The following PARD3 variants were observed in gnomAD, a reference collection of about 807,000 sequenced individuals.
The protein encoded by PARD3 is partitioning defective 3 homolog.
PARD3 carries 75 observed loss-of-function variants against 155.4 expected under a neutral mutation model. The observed-to-expected ratio is 0.48, with a 90% CI of 0.40 to 0.58. PARD3 has a LOEUF of 0.58. Ranked by LOEUF, PARD3 falls within the 20% of genes least tolerant of loss-of-function variation. The pLI is 0.00. For synonymous variants in PARD3, 576 were observed against 610.5 expected, an observed-to-expected ratio of 0.94 and a Z score of 0.83; for missense variants, 1,642 against 1,721.7, an observed-to-expected ratio of 0.95 and a Z score of 0.82.
intron 1 of PARD3, among the ~76,000 whole-genome samples, chr10:34,697,914 G>C (rs1220652941): frequency 6.6e-6 from 1 of 152,074 alleles, no homozygotes; most frequent in Admixed American, 6.6e-5. Flanking sequence ...GGCATCTCCA[G>C]ATGTGTTGAG....
intron 5 of PARD3, among the ~76,000 whole-genome samples, chr10:34,438,811 T>C (rs1049863709): frequency 3.9e-5 from 6 of 152,066 alleles, no homozygotes; most frequent in African/African-American, 1.4e-4. Context: ...TGCAGGGATA[T>C]CACCCGCCAT....
intron 2 of PARD3, among the ~76,000 whole-genome samples, chr10:34,678,654 A>C (rs1211659448): frequency 6.6e-6 from 1 of 152,200 alleles, no homozygotes. Context: ...CATAAACACT[A>C]ATAAATAATA....
At chr10:34,797,499 G>C (rs961887382) in intron 1 of PARD3, among the ~76,000 whole-genome samples, 3 of 152,164 alleles carry the variant, frequency 2.0e-5, no homozygotes, top group African/African-American at 7.2e-5. Flanking sequence ...CCTACTTTGT[G>C]AAAGTGTGCC....
chr10:34,355,790 TG>T (rs1484908712), intron 14 of PARD3, among the ~76,000 whole-genome samples: 1 of 151,630 alleles, frequency 6.6e-6, no homozygotes. Context: ...TAGCTGGGCA[TG>T]GCGCACACCT....
chr10:34,773,987 C>T (rs570169300), intron 1 of PARD3, among the ~76,000 whole-genome samples: 9 of 152,226 alleles, frequency 5.9e-5, no homozygotes, highest in African/African-American at 2.2e-4. Flanking sequence ...ATAAAATGTG[C>T]TTTACTTTAA....
intron 2 of PARD3, among the ~76,000 whole-genome samples, chr10:34,552,784 A>T (rs73267332): frequency 0.042 from 6,470 of 152,262 alleles, 400 homozygotes; most frequent in African/African-American, 0.14. Flanking sequence ...GACCATGACT[A>T]ATTTTAAGTT....
intron 22 of PARD3, among the ~76,000 whole-genome samples, chr10:34,209,552 G>A (rs1951641163): frequency 6.6e-6 from 1 of 152,132 alleles, no homozygotes; most frequent in African/African-American, 2.4e-5. Context: ...TTTTATAAAT[G>A]GAGAAAAATA....
chr10:34,639,069 A>G (rs1192038778), intron 2 of PARD3, among the ~76,000 whole-genome samples: 4 of 152,212 alleles, frequency 2.6e-5, no homozygotes, highest in Non-Finnish European at 5.9e-5. Flanking sequence ...CTATGAAAGA[A>G]GATATGAGTA....
intron 1 of PARD3, among the ~76,000 whole-genome samples, chr10:34,702,674 C>T (rs1284875213): frequency 1.3e-5 from 2 of 152,202 alleles, no homozygotes; most frequent in African/African-American, 4.8e-5. Context: ...GGGCTTATCC[C>T]CCCAAGGCTA....
intron 22 of PARD3, among the ~76,000 whole-genome samples, chr10:34,233,706 T>C (rs1180619869): frequency 6.6e-6 from 1 of 152,116 alleles, no homozygotes; most frequent in Non-Finnish European, 1.5e-5. Flanking sequence ...TCAGGTCCTA[T>C]AGGCTCTAGG....
chr10:34,458,427 T>TC (rs2077447377), intron 4 of PARD3, among the ~76,000 whole-genome samples: 1 of 152,166 alleles, frequency 6.6e-6, no homozygotes, highest in African/African-American at 2.4e-5. Flanking sequence ...GGTCTCAAGC[T>TC]CCTGGCCTCG....
intron 2 of PARD3, among the ~76,000 whole-genome samples, chr10:34,677,903 G>A (rs1310538633): frequency 1.3e-5 from 2 of 152,002 alleles, no homozygotes; most frequent in Non-Finnish European, 2.9e-5. Flanking sequence ...ATTGCTGTTT[G>A]GTAATTACAA....
intron 22 of PARD3, among the ~76,000 whole-genome samples, chr10:34,175,688 T>C (rs980546314): frequency 1.3e-5 from 2 of 152,198 alleles, no homozygotes; most frequent in Admixed American, 6.5e-5. Flanking sequence ...AAGAGGCTAA[T>C]AAAGCAAGTA....
chr10:34,814,614 T>C (rs1227222987), intron 1 of PARD3, among the ~76,000 whole-genome samples: 1 of 151,556 alleles, frequency 6.6e-6, no homozygotes, highest in Non-Finnish European at 1.5e-5. Context: ...CGCCCCGCGC[T>C]ACCGAGGCCG....
intron 21 of PARD3, among the ~76,000 whole-genome samples, chr10:34,277,940 C>T (rs1955967961): frequency 6.6e-6 from 1 of 152,122 alleles, no homozygotes; most frequent in Non-Finnish European, 1.5e-5. Context: ...TAAGATCTAG[C>T]TCCCAAACTA....
At chr10:34,698,367 G>A (rs549070016) in intron 1 of PARD3, among the ~76,000 whole-genome samples, 3 of 151,988 alleles carry the variant, frequency 2.0e-5, no homozygotes, top group Non-Finnish European at 4.4e-5. Flanking sequence ...TTCACAGCCT[G>A]TTAGGCCCTG....
chr10:34,641,561 G>A lies in PARD3; in HGVS notation c.222+54757C>T, dbSNP rs114909282. Among the ~76,000 whole-genome samples, 853 of 152,304 alleles carry A rather than the reference G, an allele frequency of 5.6e-3. 6 individuals carry two copies. Among genetic ancestry groups the A allele is most frequent in the African/African-American group, 0.02 (812 of 41,562 alleles). ...CTCAGGGCCTGGAGGAAGCCTTGGC[G>A]TGTAAGAAACAGGAGGCCATTCTGC... On this transcript the variant is annotated intron_variant, in intron 2 of 24. Transcript: ENST00000374788.
chr10:34,598,201 C>G (rs1253187733), intron 2 of PARD3, among the ~76,000 whole-genome samples: 2 of 152,130 alleles, frequency 1.3e-5, no homozygotes, highest in African/African-American at 4.8e-5. Context: ...CTAGCATGTT[C>G]TGAGGAACAA....
At chr10:34,737,543 C>A (rs1413625746) in intron 1 of PARD3, among the ~76,000 whole-genome samples, 1 of 152,232 alleles carries the variant, frequency 6.6e-6, no homozygotes, top group African/African-American at 2.4e-5. Context: ...CTGGTTTGAA[C>A]ATTTGTGTCC....
Sources: gnomAD v4.1 joint callset for allele counts (sites outside exome capture counted in the v4.1 genomes callset) on GRCh38, gnomAD v4.1.1 for gene constraint, MANE v1.5 for transcripts, NCBI Gene and HGNC (gene_info 2026-07-23, HGNC 2026-07-21) for gene names.